Variants in CABIN1 observed in about 807,000 individuals in gnomAD.
CABIN1 encodes the protein calcineurin-binding protein cabin-1.
In CABIN1, 133 loss-of-function variants were observed where a neutral mutation model predicts 227.7. That is an observed-to-expected ratio of 0.58 (90% CI 0.51 to 0.67). The LOEUF (loss-of-function observed/expected upper bound fraction) is 0.67. Among genes scored for constraint, CABIN1 ranks in the 30% least tolerant of loss-of-function variants. The pLI is 0.00. For missense variants in CABIN1, 2,408 were observed against 2,852.5 expected (o/e 0.84, Z 3.55); for synonymous variants, 1,086 against 1,155.1 (o/e 0.94, Z 1.21).
chr22:24,037,271 A>G (rs1252256642), intron 3 of CABIN1, among the ~76,000 whole-genome samples: 1 of 151,536 alleles, frequency 6.6e-6, no homozygotes, highest in Non-Finnish European at 1.5e-5. Flanking sequence ...AAAAAAAAAA[A>G]AAAAAAAGAA....
chr22:24,115,872 A>G (rs1447318409), intron 27 of CABIN1, among the ~76,000 whole-genome samples: 1 of 152,136 alleles, frequency 6.6e-6, no homozygotes, highest in Non-Finnish European at 1.5e-5. Flanking sequence ...GTTGTGGGGT[A>G]CAGGCCCTCA....
At chr22:24,022,083 A>G (rs76965509) in intron 1 of CABIN1, among the ~76,000 whole-genome samples, 3,626 of 151,914 alleles carry the variant, frequency 0.024, 47 homozygotes, top group Middle Eastern at 0.044. Context: ...TCCCTGTGCT[A>G]TTTTTTTTAA....
intron 4 of CABIN1, 94 bp from the exon 5 acceptor site, chr22:24,041,044 CT>C: frequency 6.7e-7 from 1 of 1,492,230 alleles, no homozygotes; most frequent in Non-Finnish European, 9.3e-7. Flanking sequence ...GCTCAAGGGC[CT>C]GCAGCAGAGG....
rs1361061172 is a variant in CABIN1, at chr22:24,171,936, C to G, written c.5981C>G (p.Pro1994Arg). ...SASTLDQSKD[P>R]GPPRPHRPEA... ...TCCACCCTGGACCAGTCCAAGGACCCTGGGCCTCCCCGGCCACACAGGCCT... is the reference window on the plus strand; with the variant it reads ...TCCACCCTGGACCAGTCCAAGGACCGTGGGCCTCCCCGGCCACACAGGCCT... Residue 1994 changes from proline to arginine, a missense_variant, in exon 34 of 37, where the codon CCT becomes CGT. By Grantham distance (103) the Pro-to-Arg change is moderately radical. Coordinates refer to ENST00000263119, the MANE Select transcript of CABIN1 (RefSeq NM_012295.4). The G allele has an allele frequency of 6.8e-6, 11 of 1,613,720 alleles. No individual in the cohort carries two copies. The highest frequency in any genetic ancestry group is 1.3e-5 in the African/African-American group (1 of 74,956).
At chr22:24,106,935 C>T (rs965225851) in intron 26 of CABIN1, among the ~76,000 whole-genome samples, 2 of 152,220 alleles carry the variant, frequency 1.3e-5, no homozygotes, top group Non-Finnish European at 2.9e-5. Flanking sequence ...AAATCAGGGT[C>T]ATTTTAAATA....
chr22:24,018,426 C>T (rs1275850777), intron 1 of CABIN1, among the ~76,000 whole-genome samples: 9 of 152,144 alleles, frequency 5.9e-5, no homozygotes, highest in Admixed American at 4.6e-4. Flanking sequence ...ACCAGTATCT[C>T]CTTTAGTAGT....
At chr22:24,078,200 C>T (rs1200789068) in intron 19 of CABIN1, among the ~76,000 whole-genome samples, 1 of 152,114 alleles carries the variant, frequency 6.6e-6, no homozygotes, top group Non-Finnish European at 1.5e-5. Flanking sequence ...ATGTGCCCCT[C>T]CCCCACCAGC....
At chr22:24,127,460 G>A (rs2043804213) in intron 28 of CABIN1, among the ~76,000 whole-genome samples, 1 of 152,204 alleles carries the variant, frequency 6.6e-6, no homozygotes, top group South Asian at 2.1e-4. Flanking sequence ...ATGGGAGGAG[G>A]CCACAGCAGG....
chr22:24,070,521 C>A (rs2040007994), intron 16 of CABIN1, among the ~76,000 whole-genome samples: 1 of 152,248 alleles, frequency 6.6e-6, no homozygotes, highest in African/African-American at 2.4e-5. Flanking sequence ...AGCCTCATTC[C>A]CAGCATCCCC....
At chr22:24,026,768 C>T (rs1288827773) in intron 1 of CABIN1, among the ~76,000 whole-genome samples, 4 of 152,186 alleles carry the variant, frequency 2.6e-5, no homozygotes, top group Admixed American at 2.6e-4. Context: ...ACTAACACTA[C>T]GCTGCCTTGA....
Position 24,178,226 on chromosome 22 carries a change from CA to C in CABIN1, c.*31del. On this transcript the variant is annotated 3_prime_UTR_variant, in exon 37 of 37. Coordinates refer to ENST00000263119, the MANE Select transcript of CABIN1 (RefSeq NM_012295.4). The stretch of plus-strand genomic sequence containing the variant: ...CCACTGCAGCCCCACCGCCACGCCC[CA>C]GGGGACCAGCCAGGCCTGGAATGCC... The C allele has an allele frequency of 6.2e-7, 1 of 1,611,954 alleles. No homozygotes were observed. Among genetic ancestry groups the C allele is most frequent in the South Asian group, 1.1e-5 (1 of 91,028 alleles).
chr22:24,065,298 C>T (rs1193826818), intron 15 of CABIN1, among the ~76,000 whole-genome samples: 3 of 151,168 alleles, frequency 2.0e-5, no homozygotes, highest in Admixed American at 6.6e-5. Flanking sequence ...ACGGGGCGGC[C>T]GGGCAGAGAC....
rs1394563518 is a variant in CABIN1, at chr22:24,091,750, G to A, written c.3693G>A (p.Arg1231=). 1 of 1,614,074 alleles carries A rather than the reference G, an allele frequency of 6.2e-7. No homozygotes were observed. The highest frequency in any genetic ancestry group is 1.7e-5 in the Admixed American group (1 of 60,028). ...QPPTVYLLHY[R]QAGHYLHEEA... The stretch of plus-strand genomic sequence containing the variant: ...CCACCGTTTACTTGCTGCACTACAG[G>A]CAGGCTGGCCACTACCTGCACGAGG... Residue 1231 remains arginine (R), a synonymous_variant, in exon 24 of 37, where the codon AGG becomes AGA. Transcript: ENST00000263119.
intron 20 of CABIN1, among the ~76,000 whole-genome samples, chr22:24,084,053 A>G (rs1301458859): frequency 6.6e-6 from 1 of 152,046 alleles, no homozygotes; most frequent in Non-Finnish European, 1.5e-5. Flanking sequence ...CTCTCCTTCA[A>G]TATTTTGTCT....
At chr22:24,052,416 C>G (rs756377390) in intron 8 of CABIN1, among the ~76,000 whole-genome samples, 1 of 151,912 alleles carries the variant, frequency 6.6e-6, no homozygotes, top group Non-Finnish European at 1.5e-5. Flanking sequence ...AGTAAACATA[C>G]TAGCCTTTGT....
At chr22:24,098,234 A>T in intron 26 of CABIN1, 42 bp downstream of exon 26, 3 of 1,516,920 alleles carry the variant, frequency 2.0e-6, no homozygotes, top group Non-Finnish European at 2.7e-6. Flanking sequence ...AGGGCGGCAC[A>T]TCAATCACGG....
At chr22:24,111,390 C>T (rs1483600241) in intron 26 of CABIN1, among the ~76,000 whole-genome samples, 1 of 152,150 alleles carries the variant, frequency 6.6e-6, no homozygotes, top group East Asian at 1.9e-4. Flanking sequence ...ACCACCTGAG[C>T]CCTGGCTCCT....
rs906348760 is a variant in CABIN1, at chr22:24,177,041, T to A, written c.6206-463T>A. Among the ~76,000 whole-genome samples the A allele has an allele frequency of 6.6e-5, 10 of 152,332 alleles. No individual in the cohort carries two copies. The highest frequency in any genetic ancestry group is 1.3e-4 in the Non-Finnish European group (9 of 68,030). On this transcript the variant is annotated intron_variant, in intron 35 of 36. Coordinates refer to ENST00000263119, the MANE Select transcript of CABIN1 (RefSeq NM_012295.4). This position sits in a 1 kb window ranked among gnomAD's most constrained non-coding sequence, Gnocchi z 4.4. ...GCTCTGGGCAAACTCAGCCCCTTGC[T>A]CCCACTGGAGGATGAGGCGAAAGTG...
At chr22:24,169,528 T>C (rs752859840) in intron 33 of CABIN1, among the ~76,000 whole-genome samples, 64 of 152,190 alleles carry the variant, frequency 4.2e-4, no homozygotes, top group Non-Finnish European at 8.2e-4. Context: ...GGGGAGTAGG[T>C]GGGCCTGGTC....
Sources: gnomAD v4.1 joint callset for allele counts (sites outside exome capture counted in the v4.1 genomes callset) on GRCh38, gnomAD v4.1.1 for gene constraint, Gnocchi (gnomAD v3.1) non-coding constraint, MANE v1.5 for transcripts, NCBI Gene and HGNC (gene_info 2026-07-23, HGNC 2026-07-21) for gene names.